PCDHGC5: variants seen among roughly 807,000 people sequenced by gnomAD.
PCDHGC5 encodes protocadherin gamma-C5.
PCDHGC5 carries 25 observed loss-of-function variants against 59.0 expected under a neutral mutation model. The ratio of observed to expected loss-of-function variants is 0.42; its 90% CI spans 0.31 to 0.59. The LOEUF is 0.59. Among genes scored for constraint, PCDHGC5 ranks in the 20% least tolerant of loss-of-function variants. The probability of loss-of-function intolerance (pLI) is 0.13; values close to 1 mark genes in which losing one functional copy is unlikely to be tolerated. For synonymous variants in PCDHGC5, 434 were observed against 505.5 expected, an observed-to-expected ratio of 0.86 and a Z score of 1.90; for missense variants, 1,067 against 1,206.4, an observed-to-expected ratio of 0.88 and a Z score of 1.71.
intron 1 of PCDHGC5, among the ~76,000 whole-genome samples, chr5:141,492,435 C>T (rs191116850): frequency 8.5e-5 from 13 of 152,348 alleles, no homozygotes; most frequent in Admixed American, 8.5e-4. Context: ...CTCAGGAGTA[C>T]TCGTAGCTGA....
rs776211508 is a variant in PCDHGC5, at chr5:141,491,001, C to T, written c.1761C>T (p.Ser587=). Residue 587 remains serine, a synonymous_variant, in exon 1 of 4, where the codon TCC becomes TCT. Transcript: ENST00000252087. The surrounding 1 kb of genome is among the most constrained non-coding windows in gnomAD (Gnocchi z 6.9). The stretch of plus-strand genomic sequence containing the variant: ...TCCCTCGCTCTGCTCCTCCTGGCTC[C>T]TTGGTCACCAAGGTGACAGCCGTGG... ...QRLPRSAPPG[S]LVTKVTAVDA... The T allele has an allele frequency of 6.2e-7, 1 of 1,614,140 alleles. No individual in the cohort carries two copies. Among genetic ancestry groups the T allele is most frequent in the Non-Finnish European group, 8.5e-7 (1 of 1,180,044 alleles).
At chr5:141,499,019 AGGAAGGAAGAAAAG>A (rs2099788655) in intron 2 of PCDHGC5, among the ~76,000 whole-genome samples, 1 of 150,840 alleles carries the variant, frequency 6.6e-6, no homozygotes, top group Non-Finnish European at 1.5e-5. Flanking sequence ...GAAGGAAGGA[AGGAAGGAAGAAAAG>A]AAAGAAAAAG....
chr5:141,490,951 T>G lies in PCDHGC5; in HGVS notation c.1711T>G (p.Trp571Gly), dbSNP rs778168052. Residue 571 changes from tryptophan (W) to glycine (G), a missense_variant, in exon 1 of 4, where the codon TGG becomes GGG. Transcript: ENST00000252087. The surrounding 1 kb of genome is among the most constrained non-coding windows in gnomAD (Gnocchi z 5.4). ...AGCTGTGCTGCACCCACGGCCAGACTGGGAACACTCAGCCCCCCAGCGTCT... is the reference window on the plus strand; with the variant it reads ...AGCTGTGCTGCACCCACGGCCAGACGGGGAACACTCAGCCCCCCAGCGTCT... ...APAVLHPRPD[W>G]EHSAPQRLPR... The G allele has an allele frequency of 6.2e-7, 1 of 1,613,638 alleles. No individual in the cohort carries two copies. The highest frequency in any genetic ancestry group is 1.3e-5 in the African/African-American group (1 of 74,900).
chr5:141,494,790 C>A lies in PCDHGC5; in HGVS notation c.2461-17C>A, dbSNP rs909145. 17 of 1,614,014 alleles carry A rather than the reference C, an allele frequency of 1.1e-5. 1 individual carries two copies. The South Asian group carries it at 1.9e-4, about 18-fold the overall frequency. ...TCTCACGGGTACTCAGCCCCTTTCC[C>A]TCTGTTTTCTCCACAGCAAGCCCCG... On this transcript the variant is annotated splice_polypyrimidine_tract_variant and intron_variant, in intron 1 of 3. Transcript: ENST00000252087.
At position 141,494,885 on chromosome 5, in the gene PCDHGC5, G is replaced by T; in HGVS notation, c.2519+20G>T. The T allele has an allele frequency of 6.8e-6, 11 of 1,614,082 alleles. No homozygotes were observed. The highest frequency in any genetic ancestry group is 8.5e-6 in the Non-Finnish European group (10 of 1,179,992). Reference sequence around the variant, plus strand: ...CAGCGGGTAGGTGACTGATTCTCCAGCCCACCCTCTTCTCTGCGGCATTTT... The same window carrying T: ...CAGCGGGTAGGTGACTGATTCTCCATCCCACCCTCTTCTCTGCGGCATTTT... On this transcript the variant is annotated intron_variant, in intron 2 of 3. Transcript: ENST00000252087.
chr5:141,511,412 C>A lies in PCDHGC5; in HGVS notation c.*239C>A. 1.1e-6 allele frequency: 1 copy of A among 892,000 alleles called. No homozygotes were observed. Among genetic ancestry groups the A allele is most frequent in the Non-Finnish European group, 1.6e-6 (1 of 609,476 alleles). The allele number at this position is 892,000 out of a possible 1,614,324, so 55.3% of individuals were successfully genotyped here. On this transcript the variant is annotated 3_prime_UTR_variant, in exon 4 of 4. Coordinates refer to ENST00000252087, the MANE Select transcript of PCDHGC5 (RefSeq NM_018929.3). ...AACCCCCATCCAATCAACTGCTGTA[C>A]CCATGGGGGTAGTGGGGTTACTGTA...
At chr5:141,497,468 G>A (rs912445126) in intron 2 of PCDHGC5, among the ~76,000 whole-genome samples, 10 of 151,996 alleles carry the variant, frequency 6.6e-5, no homozygotes, top group African/African-American at 2.4e-4. Flanking sequence ...GAGATATGGA[G>A]GAGAAGGTGC....
In PCDHGC5 at chr5:141,491,789, T is replaced by G; in HGVS notation, c.2460+89T>G. The G allele has an allele frequency of 6.6e-7, 1 of 1,525,854 alleles. No individual in the cohort carries two copies. Among genetic ancestry groups the G allele is most frequent in the Non-Finnish European group, 8.8e-7 (1 of 1,137,340 alleles). The allele number at this position is 1,525,854 out of a possible 1,614,324, so 94.5% of individuals were successfully genotyped here. ...CATAAGGGATTGAACTTGCATCCAC[T>G]CCTCTCCGGCCGGCTTGGTCGCTGG... On this transcript the variant is annotated intron_variant, in intron 1 of 3. Transcript: ENST00000252087. The surrounding 1 kb of genome is among the most constrained non-coding windows in gnomAD (Gnocchi z 6.9).
At position 141,489,180 on chromosome 5, in the gene PCDHGC5, C is replaced by G. The variant is rs942218118; in HGVS notation, c.-61C>G. On this transcript the variant is annotated 5_prime_UTR_variant, in exon 1 of 4. Transcript: ENST00000252087. This position sits in a 1 kb window ranked among gnomAD's most constrained non-coding sequence, Gnocchi z 4.5. ...GACTTCAGCTGCTGCATTCCAAGCC[C>G]TGGGTCTACCTTGGAGACAGGACAG... The G allele has an allele frequency of 1.8e-5, 23 of 1,259,630 alleles. No homozygotes were observed. In the South Asian group the frequency reaches 3.0e-4, roughly 17 times the overall value. The allele number at this position is 1,259,630 out of a possible 1,614,324, so 78.0% of individuals were successfully genotyped here.
intron 2 of PCDHGC5, among the ~76,000 whole-genome samples, chr5:141,498,421 A>C (rs1328848787): frequency 6.6e-6 from 1 of 152,016 alleles, no homozygotes; most frequent in Non-Finnish European, 1.5e-5. Flanking sequence ...CTGGCACTGG[A>C]GTGAGGGGAT....
Position 141,490,008 on chromosome 5 carries a change from C to T in PCDHGC5, c.768C>T (p.Pro256=). 6.2e-7 allele frequency: 1 copy of T among 1,614,230 alleles called. No homozygotes were observed. ...GTGTGGGAATCCCAGAGAATGCACC[C>T]ATTGGTACTCTGCTGCTCCGCCTCA... ...VLRVGIPENA[P]IGTLLLRLNA... is the part of the protein sequence containing the mutation. The change falls in exon 1 of 4, where the codon CCC becomes CCT. Residue 256 remains proline, a synonymous_variant. Transcript: ENST00000252087. This position sits in a 1 kb window ranked among gnomAD's most constrained non-coding sequence, Gnocchi z 5.4.
At position 141,491,023 on chromosome 5, in the gene PCDHGC5, G is replaced by A. The variant is rs773185039; in HGVS notation, c.1783G>A (p.Val595Met). 17 of 1,613,990 alleles carry A rather than the reference G, an allele frequency of 1.1e-5. No individual in the cohort carries two copies. Among genetic ancestry groups the A allele is most frequent in the Admixed American group, 5.0e-5 (3 of 60,008 alleles). ...PGSLVTKVTA[V>M]DADAGHNAWL... ...CTCCTTGGTCACCAAGGTGACAGCC[G>A]TGGATGCTGATGCAGGCCACAATGC... The change falls in exon 1 of 4, where the codon GTG becomes ATG. Residue 595 changes from valine to methionine, a missense_variant. Coordinates refer to ENST00000252087, the MANE Select transcript of PCDHGC5 (RefSeq NM_018929.3). The surrounding 1 kb of genome is among the most constrained non-coding windows in gnomAD (Gnocchi z 6.9).
intron 3 of PCDHGC5, among the ~76,000 whole-genome samples, chr5:141,510,691 T>C (rs1013489554): frequency 4.6e-5 from 7 of 152,138 alleles, no homozygotes; most frequent in African/African-American, 1.7e-4. Flanking sequence ...GGAGGTTAGG[T>C]AGACTTGCCC....
intron 3 of PCDHGC5, 86 bp downstream of exon 3, chr5:141,505,567 T>C: frequency 6.3e-7 from 1 of 1,599,440 alleles, no homozygotes; most frequent in South Asian, 1.1e-5. Flanking sequence ...ACGGACTGGA[T>C]GTCAAACCTG....
chr5:141,510,251 C>T (rs569804850), intron 3 of PCDHGC5, among the ~76,000 whole-genome samples: 5 of 144,790 alleles, frequency 3.5e-5, no homozygotes, highest in South Asian at 4.3e-4. Flanking sequence ...CCAGGCTGGG[C>T]GACAGAGCAG....
Position 141,489,268 on chromosome 5 carries a change from G to T in PCDHGC5, c.28G>T (p.Ala10Ser). The change falls in exon 1 of 4, where the codon GCT (alanine) becomes TCT (serine). Residue 10 changes from alanine (A) to serine (S), a missense_variant. Transcript: ENST00000252087. This position sits in a 1 kb window ranked among gnomAD's most constrained non-coding sequence, Gnocchi z 4.5. MGPKTLPQL[A>S]GKWQVLCMLS... The stretch of plus-strand genomic sequence containing the variant: ...GGGGCCCAAGACACTCCCACAGCTC[G>T]CTGGGAAATGGCAAGTGCTGTGCAT... The T allele has an allele frequency of 3.9e-6, 6 of 1,553,284 alleles. No homozygotes were observed. The South Asian group carries it at 5.0e-5, about 13-fold the overall frequency.
At position 141,489,720 on chromosome 5, in the gene PCDHGC5, G is replaced by T. The variant is rs560729125; in HGVS notation, c.480G>T (p.Pro160=). 1.9e-6 allele frequency: 3 copies of T among 1,614,200 alleles called. No individual in the cohort carries two copies. Among genetic ancestry groups the T allele is most frequent in the Middle Eastern group, 1.6e-4 (1 of 6,062 alleles). ...TCCCACTGGACAGTGCCCAGGATCC[G>T]GATGTGGGCACCAATACTGTGAGCT... ...ARFPLDSAQD[P]DVGTNTVSFY... Residue 160 remains proline (P), a synonymous_variant, in exon 1 of 4, where the codon CCG becomes CCT. Transcript: ENST00000252087. This position sits in a 1 kb window ranked among gnomAD's most constrained non-coding sequence, Gnocchi z 4.5.
chr5:141,491,932 G>A lies in PCDHGC5; in HGVS notation c.2460+232G>A. Reference sequence around the variant, plus strand: ...GGCGACTGTGGGCGAGGGGAGGTGGGACCGACCCCCACCCCTACACTCAAA... The same window carrying A: ...GGCGACTGTGGGCGAGGGGAGGTGGAACCGACCCCCACCCCTACACTCAAA... On this transcript the variant is annotated intron_variant, in intron 1 of 3. Transcript: ENST00000252087. This position sits in a 1 kb window ranked among gnomAD's most constrained non-coding sequence, Gnocchi z 6.9. 1 of 1,259,014 alleles carries A rather than the reference G, an allele frequency of 7.9e-7. No homozygotes were observed. The highest frequency in any genetic ancestry group is 1.1e-6 in the Non-Finnish European group (1 of 926,048). The allele number at this position is 1,259,014 out of a possible 1,614,324, so 78.0% of individuals were successfully genotyped here. A position where few individuals can be genotyped will look rare whatever the true frequency, so the allele number is the denominator to read the frequency against.
intron 3 of PCDHGC5, among the ~76,000 whole-genome samples, chr5:141,508,711 T>G (rs1201917424): frequency 6.6e-6 from 1 of 152,058 alleles, no homozygotes; most frequent in Admixed American, 6.5e-5. Flanking sequence ...CTCATTCTTT[T>G]CTGTGTGCAG....
Sources: gnomAD v4.1 joint callset for allele counts (sites outside exome capture counted in the v4.1 genomes callset) on GRCh38, gnomAD v4.1.1 for gene constraint, Gnocchi (gnomAD v3.1) non-coding constraint, MANE v1.5 for transcripts, NCBI Gene and HGNC (gene_info 2026-07-23, HGNC 2026-07-21) for gene names.